COL23A1: variants seen among roughly 807,000 people sequenced by gnomAD.
COL23A1 encodes the protein collagen alpha-1(XXIII) chain.
In COL23A1, 97 loss-of-function variants were observed where a neutral mutation model predicts 99.3. That is an observed-to-expected ratio of 0.98 (90% confidence interval 0.83 to 1.16). The LOEUF is 1.16. Ranked by LOEUF, COL23A1 falls within the 50% of genes most tolerant of loss-of-function variation. The pLI is 0.00. For missense variants in COL23A1, 762 were observed against 757.4 expected (o/e 1.01, Z -0.07); for synonymous variants, 320 against 308.2 (o/e 1.04, Z -0.40).
At chr5:178,321,996 C>CTT (rs34320293) in intron 2 of COL23A1, among the ~76,000 whole-genome samples, 4 of 142,594 alleles carry the variant, frequency 2.8e-5, no homozygotes, top group African/African-American at 7.8e-5. Context: ...TAATTTTTAA[C>CTT]TTTTTTTTTT....
chr5:178,358,881 G>A (rs1762026592), intron 2 of COL23A1, among the ~76,000 whole-genome samples: 1 of 152,134 alleles, frequency 6.6e-6, no homozygotes, highest in East Asian at 1.9e-4. Flanking sequence ...AAAGGTTCCT[G>A]TGAAAACAAT....
rs144268708 is a variant in COL23A1, at chr5:178,483,436, A to G, written c.361+77246T>C. On this transcript the variant is annotated intron_variant, in intron 2 of 28. Transcript: ENST00000390654. The stretch of plus-strand genomic sequence containing the variant: ...CCGGGAATCCACTCGCCCTCAAGAC[A>G]CAGCATTTCTAGATTCTCTCTGCTC... Among the ~76,000 whole-genome samples the G allele has an allele frequency of 2.9e-3, 437 of 152,304 alleles. 3 individuals are homozygous for G. Among genetic ancestry groups the G allele is most frequent in the African/African-American group, 9.8e-3 (407 of 41,582 alleles).
At chr5:178,478,382 C>T (rs1450761772) in intron 2 of COL23A1, among the ~76,000 whole-genome samples, 1 of 152,232 alleles carries the variant, frequency 6.6e-6, no homozygotes, top group Non-Finnish European at 1.5e-5. Flanking sequence ...GAGGAGTCCA[C>T]TGCAGAGGAA....
At chr5:178,322,882 G>A (rs539870329) in intron 2 of COL23A1, among the ~76,000 whole-genome samples, 12 of 152,294 alleles carry the variant, frequency 7.9e-5, no homozygotes, top group African/African-American at 2.4e-4. Flanking sequence ...GGGGACAGGC[G>A]GATAGCTCGG....
chr5:178,484,272 T>C (rs923372963), intron 2 of COL23A1, among the ~76,000 whole-genome samples: 5 of 152,194 alleles, frequency 3.3e-5, no homozygotes, highest in African/African-American at 1.2e-4. Context: ...TTGGGGATTA[T>C]TCTAATGTTA....
intron 2 of COL23A1, among the ~76,000 whole-genome samples, chr5:178,336,693 T>C (rs1760340324): frequency 6.6e-6 from 1 of 152,238 alleles, no homozygotes; most frequent in African/African-American, 2.4e-5. Context: ...CCCACTGAAA[T>C]GTTCCATTAA....
intron 2 of COL23A1, among the ~76,000 whole-genome samples, chr5:178,377,579 T>A (rs908758779): frequency 1.3e-5 from 2 of 152,198 alleles, no homozygotes; most frequent in Non-Finnish European, 2.9e-5. Context: ...CAAGCCTAAC[T>A]TCCCTGGGTG....
intron 1 of COL23A1, among the ~76,000 whole-genome samples, chr5:178,578,326 G>C (rs1211314541): frequency 6.6e-6 from 1 of 152,042 alleles, no homozygotes; most frequent in Non-Finnish European, 1.5e-5. Flanking sequence ...CCTCACACTA[G>C]CTCACGCTCA....
At chr5:178,507,631 C>T (rs148121481) in intron 2 of COL23A1, among the ~76,000 whole-genome samples, 3 of 152,334 alleles carry the variant, frequency 2.0e-5, no homozygotes, top group Non-Finnish European at 2.9e-5. Context: ...TTTCTCTCAG[C>T]GTTTGAAAAC....
At chr5:178,256,485 G>A in intron 14 of COL23A1, 88 bp from the exon 15 acceptor site, 8 of 1,279,540 alleles carry the variant, frequency 6.3e-6, no homozygotes, top group Non-Finnish European at 8.5e-6. Context: ...CCTCTTCCCA[G>A]GAGGGCCCAG....
intron 2 of COL23A1, among the ~76,000 whole-genome samples, chr5:178,473,125 A>G (rs1045902026): frequency 7.2e-5 from 11 of 151,908 alleles, no homozygotes; most frequent in Non-Finnish European, 1.0e-4. Context: ...TCTCTTCGCC[A>G]TCCCCCCAAA....
intron 2 of COL23A1, among the ~76,000 whole-genome samples, chr5:178,518,689 T>A (rs1190687647): frequency 7.2e-6 from 1 of 138,956 alleles, no homozygotes. Context: ...GCTCCTCACA[T>A]CCCAGACGAT....
At chr5:178,547,385 T>C (rs1268416451) in intron 2 of COL23A1, among the ~76,000 whole-genome samples, 1 of 151,718 alleles carries the variant, frequency 6.6e-6, no homozygotes, top group African/African-American at 2.4e-5. Context: ...CTGGGCCAGA[T>C]TTTGGACTTG....
intron 2 of COL23A1, among the ~76,000 whole-genome samples, chr5:178,374,051 T>C (rs1268884943): frequency 6.6e-6 from 1 of 152,170 alleles, no homozygotes; most frequent in Admixed American, 6.5e-5. Context: ...ATATGCACCT[T>C]TGAGTCCAAT....
intron 2 of COL23A1, among the ~76,000 whole-genome samples, chr5:178,440,903 C>T (rs1420141182): frequency 6.6e-6 from 1 of 152,160 alleles, no homozygotes; most frequent in Non-Finnish European, 1.5e-5. Context: ...ATGCATGAGC[C>T]ACCATGCCCG....
At chr5:178,545,375 G>T (rs1761526200) in intron 2 of COL23A1, among the ~76,000 whole-genome samples, 1 of 152,178 alleles carries the variant, frequency 6.6e-6, no homozygotes, top group Admixed American at 6.5e-5. Flanking sequence ...GCCACTTCAA[G>T]CCCATTAGTG....
At position 178,247,505 on chromosome 5, in the gene COL23A1, G is replaced by C. The variant is rs766384164; in HGVS notation, c.1296+21C>G. 6.8e-6 allele frequency: 11 copies of C among 1,613,964 alleles called. No homozygotes were observed. In the East Asian group the frequency reaches 2.5e-4, roughly 36 times the overall value. On this transcript the variant is annotated intron_variant, in intron 22 of 28. Transcript: ENST00000390654. The stretch of plus-strand genomic sequence containing the variant: ...CCAGACGGTGAGTCTGAGGCCAGTA[G>C]AGGGGTCTGTGCCCACTCACCTTGG...
chr5:178,392,520 C>A (rs572199226), intron 2 of COL23A1, among the ~76,000 whole-genome samples: 1 of 152,292 alleles, frequency 6.6e-6, no homozygotes, highest in East Asian at 1.9e-4. Context: ...ACTGTCAGGA[C>A]AGCAGCAATG....
intron 1 of COL23A1, among the ~76,000 whole-genome samples, chr5:178,566,032 G>C (rs1288464749): frequency 7.9e-5 from 12 of 152,202 alleles, no homozygotes; most frequent in Admixed American, 5.9e-4. Context: ...AGAGGCTGAG[G>C]CAGGAGAATC....
Sources: gnomAD v4.1 joint callset for allele counts (sites outside exome capture counted in the v4.1 genomes callset) on GRCh38, gnomAD v4.1.1 for gene constraint, MANE v1.5 for transcripts, NCBI Gene and HGNC (gene_info 2026-07-23, HGNC 2026-07-21) for gene names.